The following TBC1D19 variants were observed in gnomAD, a reference collection of about 807,000 sequenced individuals.
The protein encoded by TBC1D19 is TBC1 domain family member 19, also known as TBC1 domain family, member 19.
Under a neutral mutation model 89.0 loss-of-function variants are expected in TBC1D19, and 60 were observed. The observed-to-expected ratio is 0.67, with a 90% CI of 0.55 to 0.84. The LOEUF (loss-of-function observed/expected upper bound fraction) is 0.84, where lower values mean the gene tolerates loss of function less well. Among genes scored for constraint, TBC1D19 ranks in the 40% least tolerant of loss-of-function variants. The pLI is 0.00. For missense variants in TBC1D19, 500 were observed against 610.8 expected (o/e 0.82, Z 1.91); for synonymous variants, 189 against 199.7 (o/e 0.95, Z 0.45).
At chr4:26,703,423 C>T (rs928975805) in intron 13 of TBC1D19, among the ~76,000 whole-genome samples, 2 of 152,008 alleles carry the variant, frequency 1.3e-5, no homozygotes, top group African/African-American at 4.8e-5. Context: ...TGTAATAAGA[C>T]AGAAGAAAGC....
In TBC1D19 at chr4:26,676,688, C is replaced by T. The variant is rs185135451; in HGVS notation, c.816+2800C>T. Among the ~76,000 whole-genome samples, 311 of 149,826 alleles carry T rather than the reference C, an allele frequency of 2.1e-3. 3 individuals carry two copies. The highest frequency in any genetic ancestry group is 7.5e-3 in the African/African-American group (302 of 40,510). On this transcript the variant is annotated intron_variant, in intron 11 of 20. Transcript: ENST00000264866. ...GAGCAGAGATCGCGCCACTGCACTC[C>T]AGCCTGGGCAGCAGGGCAAGACTGT...
chr4:26,793,474 C>G, the TBC1D19 span, among the ~76,000 whole-genome samples: 1 of 152,138 alleles, frequency 6.6e-6, no homozygotes, highest in Non-Finnish European at 1.5e-5. Context: ...CCTGTAATCT[C>G]AGCACTTTGG....
intron 12 of TBC1D19, 134 bp downstream of exon 12, chr4:26,683,883 A>C: frequency 1.5e-6 from 1 of 668,212 alleles, no homozygotes. Context: ...AGATTTATAC[A>C]TATAAAGTTA....
chr4:26,763,423 A>G, the TBC1D19 span, among the ~76,000 whole-genome samples: 1 of 152,234 alleles, frequency 6.6e-6, no homozygotes, highest in East Asian at 1.9e-4. Context: ...TTTGGTCTCC[A>G]CAACCCAAAC....
chr4:26,612,565 G>A (rs947352500), intron 1 of TBC1D19, among the ~76,000 whole-genome samples: 1 of 151,892 alleles, frequency 6.6e-6, no homozygotes, highest in Non-Finnish European at 1.5e-5. Flanking sequence ...CACTTTGAGA[G>A]TAATCAAAGC....
chr4:26,838,323 T>C, the TBC1D19 span, among the ~76,000 whole-genome samples: 3 of 152,240 alleles, frequency 2.0e-5, no homozygotes, highest in Non-Finnish European at 4.4e-5. Context: ...CAGCTTACTG[T>C]AGAGGCTGAA....
chr4:26,682,831 C>T (rs1333685699), intron 11 of TBC1D19, among the ~76,000 whole-genome samples: 1 of 152,158 alleles, frequency 6.6e-6, no homozygotes, highest in Non-Finnish European at 1.5e-5. Flanking sequence ...CCCTTATTCT[C>T]TCCACTTTCC....
chr4:26,771,859 C>A, the TBC1D19 span, among the ~76,000 whole-genome samples: 1 of 151,782 alleles, frequency 6.6e-6, no homozygotes, highest in Admixed American at 6.6e-5. Flanking sequence ...AATTAAACCC[C>A]AAAATAAGTA....
At chr4:26,744,809 T>C (rs1039936414) in intron 18 of TBC1D19, among the ~76,000 whole-genome samples, 2 of 152,156 alleles carry the variant, frequency 1.3e-5, no homozygotes, top group South Asian at 4.1e-4. Context: ...TCTTGGTCCA[T>C]GTGCACCTGA....
At chr4:26,732,642 C>T (rs1354086289) in intron 15 of TBC1D19, among the ~76,000 whole-genome samples, 1 of 152,112 alleles carries the variant, frequency 6.6e-6, no homozygotes, top group African/African-American at 2.4e-5. Context: ...ATTTTGCTGG[C>T]CACAAACAGT....
chr4:26,723,757 T>C (rs989516817), intron 15 of TBC1D19, among the ~76,000 whole-genome samples: 2 of 152,214 alleles, frequency 1.3e-5, no homozygotes, highest in Non-Finnish European at 2.9e-5. Flanking sequence ...TTGATAAATA[T>C]TTATTTAGCC....
chr4:26,818,327 A>C, the TBC1D19 span, among the ~76,000 whole-genome samples: 20 of 152,268 alleles, frequency 1.3e-4, no homozygotes, highest in East Asian at 3.7e-3. Context: ...TGCTGGGCTC[A>C]AATGATTCTC....
the TBC1D19 span, among the ~76,000 whole-genome samples, chr4:26,834,554 G>A: frequency 2.0e-5 from 3 of 152,000 alleles, no homozygotes; most frequent in Non-Finnish European, 2.9e-5. Flanking sequence ...TGGGGGGCGG[G>A]GGTGGTGCAC....
intron 4 of TBC1D19, among the ~76,000 whole-genome samples, chr4:26,627,803 T>G (rs1021674115): frequency 7.2e-5 from 11 of 152,150 alleles, no homozygotes; most frequent in Non-Finnish European, 2.9e-5. Context: ...GTCAGATGAG[T>G]AGGTTGTGAA....
chr4:26,744,014 T>C (rs373822581), intron 18 of TBC1D19, among the ~76,000 whole-genome samples: 1 of 151,660 alleles, frequency 6.6e-6, no homozygotes, highest in East Asian at 1.9e-4. Flanking sequence ...GTAGAAATCA[T>C]TTTTTTAAAA....
chr4:26,754,820 T>C (rs961096093), intron 20 of TBC1D19, 53 bp from the exon 21 acceptor site: 1 of 1,414,628 alleles, frequency 7.1e-7, no homozygotes, highest in Non-Finnish European at 9.6e-7. Flanking sequence ...ATGTTTACCT[T>C]ATTTCATAGA....
intron 1 of TBC1D19, among the ~76,000 whole-genome samples, chr4:26,603,552 A>G (rs981722501): frequency 2.0e-5 from 3 of 152,172 alleles, no homozygotes; most frequent in Non-Finnish European, 4.4e-5. Context: ...CCAGTTACAT[A>G]TATGTATGAG....
chr4:26,659,650 C>G lies in TBC1D19; in HGVS notation c.534C>G (p.Phe178Leu). Reference protein sequence around the residue: ...PNYENGDSLSFRTHLGLIQVP... With the variant: ...PNYENGDSLSLRTHLGLIQVP... The stretch of plus-strand genomic sequence containing the variant: ...ATGAAAACGGTGATTCTCTTAGTTT[C>G]AGGACTCATTTGGGTTTAATTCAAG... Residue 178 changes from phenylalanine (F) to leucine (L), a missense_variant, in exon 8 of 21, where the codon TTC (phenylalanine) becomes TTG (leucine). Phe to Leu is a conservative substitution (Grantham distance 22, BLOSUM62 0). Transcript: ENST00000264866. 6.3e-7 allele frequency: 1 copy of G among 1,595,282 alleles called. No homozygotes were observed. Among genetic ancestry groups the G allele is most frequent in the Non-Finnish European group, 8.6e-7 (1 of 1,166,914 alleles).
intron 1 of TBC1D19, among the ~76,000 whole-genome samples, chr4:26,610,142 G>A (rs985767832): frequency 1.3e-5 from 2 of 152,028 alleles, no homozygotes; most frequent in African/African-American, 4.8e-5. Flanking sequence ...TAGACTAAAT[G>A]TGGGACTTTA....
Sources: allele counts gnomAD v4.1 joint callset (sites outside exome capture counted in the v4.1 genomes callset), GRCh38; gene constraint gnomAD v4.1.1; transcripts MANE v1.5; gene names NCBI Gene and HGNC (gene_info 2026-07-23, HGNC 2026-07-21).